Variants in WWOX observed in about 807,000 individuals in gnomAD.
WWOX encodes the protein WW domain containing oxidoreductase.
A neutral mutation model predicts 46.2 loss-of-function variants in WWOX; 69 were observed. The ratio of observed to expected loss-of-function variants is 1.49; its 90% CI spans 1.23 to 1.82. The LOEUF is 1.82. Ranked by LOEUF, WWOX falls within the 40% of genes most tolerant of loss-of-function variation. The probability of loss-of-function intolerance (pLI) is 0.00; values close to 1 mark genes in which losing one functional copy is unlikely to be tolerated. For synonymous variants in WWOX, 359 were observed against 202.6 expected (o/e 1.77, Z -6.56); for missense variants, 919 against 542.6 (o/e 1.69, Z -6.89).
At chr16:78,200,218 G>A (rs949838366) in intron 5 of WWOX, among the ~76,000 whole-genome samples, 23 of 151,982 alleles carry the variant, frequency 1.5e-4, no homozygotes, top group Admixed American at 3.9e-4. Flanking sequence ...TCCTCTGCAC[G>A]TAGTAGGCAG....
chr16:78,989,623 G>T (rs922776051), intron 8 of WWOX, among the ~76,000 whole-genome samples: 1 of 152,196 alleles, frequency 6.6e-6, no homozygotes, highest in African/African-American at 2.4e-5. Flanking sequence ...GAGCAGTCTT[G>T]TGGATTCAGG....
chr16:78,607,406 G>A (rs917169011), intron 8 of WWOX, among the ~76,000 whole-genome samples: 1 of 152,116 alleles, frequency 6.6e-6, no homozygotes, highest in African/African-American at 2.4e-5. Context: ...AAAGTTGTCA[G>A]CTTATCTTTG....
chr16:78,355,509 G>T, intron 5 of WWOX: 1 of 367,102 alleles, frequency 2.7e-6, no homozygotes, highest in Non-Finnish European at 5.4e-6. Flanking sequence ...GGCTGAGACC[G>T]AAGAATTACT....
chr16:79,193,981 G>T (rs934997895), intron 8 of WWOX, among the ~76,000 whole-genome samples: 11 of 151,716 alleles, frequency 7.3e-5, no homozygotes, highest in Admixed American at 3.9e-4. Context: ...ATTTGCACAT[G>T]TTGCTGGACC....
chr16:79,197,754 AC>A (rs781498405), intron 8 of WWOX, among the ~76,000 whole-genome samples: 2 of 152,104 alleles, frequency 1.3e-5, no homozygotes, highest in East Asian at 1.9e-4. Flanking sequence ...GAAAACACAA[AC>A]ACCCAGGACA....
At chr16:78,275,215 C>G (rs2079554910) in intron 5 of WWOX, among the ~76,000 whole-genome samples, 1 of 152,142 alleles carries the variant, frequency 6.6e-6, no homozygotes, top group African/African-American at 2.4e-5. Flanking sequence ...GCCCCCACCC[C>G]CACATCCTCT....
intron 8 of WWOX, among the ~76,000 whole-genome samples, chr16:79,010,135 TG>T (rs1466369092): frequency 2.6e-5 from 4 of 152,192 alleles, no homozygotes; most frequent in African/African-American, 9.7e-5. Context: ...CTAGACTTCT[TG>T]CTTTTTAAAA....
chr16:78,393,081 T>C (rs1243689750), intron 6 of WWOX, among the ~76,000 whole-genome samples: 3 of 152,192 alleles, frequency 2.0e-5, no homozygotes, highest in African/African-American at 4.8e-5. Flanking sequence ...AGGGATATTT[T>C]TGTTTAAACT....
chr16:78,508,192 G>T (rs1453226731), intron 8 of WWOX, among the ~76,000 whole-genome samples: 2 of 151,868 alleles, frequency 1.3e-5, no homozygotes, highest in Non-Finnish European at 2.9e-5. Flanking sequence ...TATTTTTTTA[G>T]TAGAGACAGG....
intron 8 of WWOX, among the ~76,000 whole-genome samples, chr16:79,134,739 C>G (rs565278007): frequency 6.6e-6 from 1 of 152,178 alleles, no homozygotes; most frequent in Non-Finnish European, 1.5e-5. Context: ...AGTAACTCAG[C>G]TAAGTCTGTA....
chr16:78,571,221 A>G (rs1190411519), intron 8 of WWOX, among the ~76,000 whole-genome samples: 2 of 152,174 alleles, frequency 1.3e-5, no homozygotes, highest in African/African-American at 4.8e-5. Context: ...TTTATGTATC[A>G]ATTTTTGTAA....
chr16:78,910,456 T>C (rs1047221619), intron 8 of WWOX, among the ~76,000 whole-genome samples: 7 of 151,886 alleles, frequency 4.6e-5, no homozygotes, highest in Admixed American at 1.3e-4. Context: ...TGTTCATCCG[T>C]ATTAGAACAG....
At chr16:78,103,236 TCC>T (rs2031915796) in intron 1 of WWOX, among the ~76,000 whole-genome samples, 1 of 131,788 alleles carries the variant, frequency 7.6e-6, no homozygotes, top group South Asian at 2.8e-4. Flanking sequence ...CCTCTCTGGC[TCC>T]GCTGTTTTTT....
At chr16:78,734,127 A>G (rs1425922212) in intron 8 of WWOX, among the ~76,000 whole-genome samples, 1 of 152,164 alleles carries the variant, frequency 6.6e-6, no homozygotes, top group Non-Finnish European at 1.5e-5. Context: ...CACACGTAAA[A>G]TGAAAACTAA....
At chr16:78,336,825 T>C (rs1371589741) in intron 5 of WWOX, among the ~76,000 whole-genome samples, 1 of 152,150 alleles carries the variant, frequency 6.6e-6, no homozygotes, top group Non-Finnish European at 1.5e-5. Flanking sequence ...GAAGTTTCGC[T>C]CTCATTTCCC....
chr16:78,515,322 G>A (rs552950391), intron 8 of WWOX, among the ~76,000 whole-genome samples: 3 of 152,248 alleles, frequency 2.0e-5, no homozygotes, highest in East Asian at 3.9e-4. Context: ...AATAGATCTC[G>A]TGTGTGGAGG....
chr16:78,213,250 CAAAAAAA>C (rs3041524), intron 5 of WWOX, among the ~76,000 whole-genome samples: 2 of 97,098 alleles, frequency 2.1e-5, no homozygotes, highest in Non-Finnish European at 4.2e-5. Context: ...GACTGTATCT[CAAAAAAA>C]AAAAAAAAAA....
chr16:78,902,393 G>A (rs2044852075), intron 8 of WWOX, among the ~76,000 whole-genome samples: 4 of 152,238 alleles, frequency 2.6e-5, no homozygotes, highest in Admixed American at 2.6e-4. Flanking sequence ...AGGACAAGGG[G>A]ACGGTGACTT....
chr16:78,794,128 G>C (rs1436655542), intron 8 of WWOX, among the ~76,000 whole-genome samples: 1 of 152,060 alleles, frequency 6.6e-6, no homozygotes, highest in East Asian at 1.9e-4. Flanking sequence ...GACAGAGCCT[G>C]CATAATTGCA....
Sources: gnomAD v4.1 joint callset for allele counts (sites outside exome capture counted in the v4.1 genomes callset) on GRCh38, gnomAD v4.1.1 for gene constraint, MANE v1.5 for transcripts, NCBI Gene and HGNC (gene_info 2026-07-23, HGNC 2026-07-21) for gene names.